FHAD1: variants seen among roughly 807,000 people sequenced by gnomAD.
FHAD1 encodes the protein forkhead associated phosphopeptide binding domain 1.
FHAD1 carries 146 observed loss-of-function variants against 191.3 expected under a neutral mutation model. That is an observed-to-expected ratio of 0.76 (90% CI 0.67 to 0.88). The LOEUF (loss-of-function observed/expected upper bound fraction) is 0.88. FHAD1 is among the 40% of genes least tolerant of loss of function. The probability of loss-of-function intolerance (pLI) is 0.00; values close to 1 mark genes in which losing one functional copy is unlikely to be tolerated. For missense variants in FHAD1, 1,635 were observed against 1,785.8 expected (o/e 0.92, Z 1.52); for synonymous variants, 616 against 672.3 (o/e 0.92, Z 1.29).
rs763984259 is a variant in FHAD1, at chr1:15,327,014, G to A, written c.1474-45G>A. On this transcript the variant is annotated intron_variant, in intron 11 of 33. Transcript: ENST00000688493. This position sits in a 1 kb window ranked among gnomAD's most constrained non-coding sequence, Gnocchi z 5.1. ...CATGGAAACGCTGCCCCCACTTGCC[G>A]GCCCCTGCTGACCCCCTGACACTGT... 63 of 1,310,954 alleles carry A rather than the reference G, an allele frequency of 4.8e-5. No individual in the cohort carries two copies. In the African/African-American group the frequency reaches 6.4e-4, roughly 13 times the overall value. The allele number at this position is 1,310,954 out of a possible 1,614,324, so 81.2% of individuals were successfully genotyped here.
intron 11 of FHAD1, 151 bp from the exon 12 acceptor site, chr1:15,326,908 C>T (rs776983906): frequency 3.9e-5 from 23 of 597,110 alleles, no homozygotes; most frequent in Admixed American, 2.4e-4. Flanking sequence ...CGCCACTCCC[C>T]GTGAGCGGTG....
intron 8 of FHAD1, among the ~76,000 whole-genome samples, chr1:15,315,777 C>T (rs1420569737): frequency 2.0e-5 from 3 of 152,130 alleles, no homozygotes; most frequent in Non-Finnish European, 4.4e-5. Context: ...CAAGCCACCG[C>T]GCCCAGCCGG....
At chr1:15,250,660 G>T (rs1238302903) in intron 1 of FHAD1, among the ~76,000 whole-genome samples, 1 of 152,132 alleles carries the variant, frequency 6.6e-6, no homozygotes, top group South Asian at 2.1e-4. Context: ...TCTAATGCCT[G>T]CCTCTCCAAT....
At chr1:15,266,492 C>T (rs1178862881) in intron 2 of FHAD1, among the ~76,000 whole-genome samples, 1 of 151,920 alleles carries the variant, frequency 6.6e-6, no homozygotes, top group Non-Finnish European at 1.5e-5. Flanking sequence ...AACCCCTCCC[C>T]CACAACACTC....
chr1:15,370,870 G>T (rs551560039), intron 26 of FHAD1, among the ~76,000 whole-genome samples: 7 of 152,276 alleles, frequency 4.6e-5, no homozygotes, highest in African/African-American at 1.7e-4. Context: ...ATTTTCACCG[G>T]GAAGCCAGGC....
At chr1:15,337,824 T>G (rs1684878018) in intron 14 of FHAD1, among the ~76,000 whole-genome samples, 1 of 151,994 alleles carries the variant, frequency 6.6e-6, no homozygotes, top group African/African-American at 2.4e-5. Flanking sequence ...GCCGCTGGAA[T>G]AGGAGTGACT....
chr1:15,398,937 C>T (rs562462936), downstream of FHAD1, among the ~76,000 whole-genome samples: 1 of 152,162 alleles, frequency 6.6e-6, no homozygotes, highest in African/African-American at 2.4e-5. Context: ...TCTTCAGCCT[C>T]AGCCTCCTAA....
intron 33 of FHAD1, among the ~76,000 whole-genome samples, chr1:15,395,633 C>T (rs778502315): frequency 1.7e-4 from 26 of 152,120 alleles, no homozygotes; most frequent in Non-Finnish European, 1.5e-4. Context: ...GCTGCCAGGA[C>T]GCCCCCTCCT....
rs561359803 is a variant in FHAD1, at chr1:15,352,833, C to T, written c.2455-44C>T. On this transcript the variant is annotated intron_variant, in intron 19 of 33. Coordinates refer to ENST00000688493, the MANE Select transcript of FHAD1 (RefSeq NM_001391957.1). ...TGGTTTCCCTTTCCAGTGTCATTTC[C>T]CTTTGAGGGCACAGGCCCTCAAACC... is the stretch of plus-strand genomic sequence containing the variant. 8 of 1,417,974 alleles carry T rather than the reference C, an allele frequency of 5.6e-6. No individual in the cohort carries two copies. The African/African-American group carries it at 8.6e-5, about 15-fold the overall frequency. The allele number at this position is 1,417,974 out of a possible 1,614,324, so 87.8% of individuals were successfully genotyped here.
intron 32 of FHAD1, among the ~76,000 whole-genome samples, chr1:15,390,178 G>A (rs1173271073): frequency 1.3e-5 from 2 of 151,660 alleles, no homozygotes; most frequent in South Asian, 2.1e-4. Context: ...AAACCTCATC[G>A]CTACTAAAAA....
At chr1:15,374,331 G>T (rs747631264) in intron 26 of FHAD1, among the ~76,000 whole-genome samples, 171 bp from the exon 27 acceptor site, 1 of 152,164 alleles carries the variant, frequency 6.6e-6, no homozygotes, top group Non-Finnish European at 1.5e-5. Flanking sequence ...CATGTGACCC[G>T]ATATTTGAGA....
At chr1:15,383,355 G>A in intron 31 of FHAD1, 1 of 423,622 alleles carries the variant, frequency 2.4e-6, no homozygotes, top group Non-Finnish European at 4.8e-6. Context: ...CCTTCCCCAT[G>A]CTGCCCATGA....
rs1258079768 is a variant in FHAD1, at chr1:15,316,512, A to G, written c.1260+45A>G. ...TTGTAGGTACCACCAGAAAAAACAG[A>G]GTTTGACCTTGAGGTTCTTGGTGGG... On this transcript the variant is annotated intron_variant, in intron 9 of 33. Coordinates refer to ENST00000688493, the MANE Select transcript of FHAD1 (RefSeq NM_001391957.1). The surrounding 1 kb of genome is among the most constrained non-coding windows in gnomAD (Gnocchi z 4.3). 1.6e-5 allele frequency: 24 copies of G among 1,510,272 alleles called. No homozygotes were observed. The highest frequency in any genetic ancestry group is 2.1e-5 in the Non-Finnish European group (23 of 1,110,796). The allele number at this position is 1,510,272 out of a possible 1,614,324, so 93.6% of individuals were successfully genotyped here. A position where few individuals can be genotyped will look rare whatever the true frequency, so the allele number is the denominator to read the frequency against.
At chr1:15,383,771 A>C (rs1230128939) in intron 31 of FHAD1, 1 of 351,462 alleles carries the variant, frequency 2.8e-6, no homozygotes, top group Admixed American at 3.3e-5. Flanking sequence ...AATGCCTCTA[A>C]TAGCCCTGCC....
chr1:15,372,524 A>G (rs1698411003), intron 26 of FHAD1, among the ~76,000 whole-genome samples: 1 of 151,626 alleles, frequency 6.6e-6, no homozygotes, highest in South Asian at 2.1e-4. Flanking sequence ...CACCCACAGC[A>G]GCAAGGGCTG....
At chr1:15,314,015 G>A (rs1006782339) in intron 8 of FHAD1, among the ~76,000 whole-genome samples, 1 of 151,696 alleles carries the variant, frequency 6.6e-6, no homozygotes, top group Non-Finnish European at 1.5e-5. Context: ...AGCTGAGATC[G>A]CGCCATTGCA....
At chr1:15,367,814 A>T (rs892141177) in intron 25 of FHAD1, among the ~76,000 whole-genome samples, 192 bp downstream of exon 25, 11 of 152,062 alleles carry the variant, frequency 7.2e-5, no homozygotes, top group Non-Finnish European at 1.6e-4. Context: ...GTCTCTGCTT[A>T]AATGCCACTT....
intron 26 of FHAD1, 74 bp downstream of exon 26, chr1:15,369,576 G>T: frequency 6.7e-7 from 1 of 1,483,724 alleles, no homozygotes; most frequent in South Asian, 1.3e-5. Flanking sequence ...CTTTCCTTTT[G>T]AAGACACTTT....
At position 15,329,229 on chromosome 1, in the gene FHAD1, C is replaced by A; in HGVS notation, c.1711-117C>A. On this transcript the variant is annotated intron_variant, in intron 13 of 33. Transcript: ENST00000688493. This position sits in a 1 kb window ranked among gnomAD's most constrained non-coding sequence, Gnocchi z 5.0. ...AAAAACTGAGTCCTCCCAAGGCGGC[C>A]AATACGTGGCGCTGCCTGCTTCGTG... is the stretch of plus-strand genomic sequence containing the variant. 1 of 791,160 alleles carries A rather than the reference C, an allele frequency of 1.3e-6. No homozygotes were observed. The highest frequency in any genetic ancestry group is 1.9e-6 in the Non-Finnish European group (1 of 523,872). The allele number at this position is 791,160 out of a possible 1,614,324, so 49.0% of individuals were successfully genotyped here.
Sources: allele counts gnomAD v4.1 joint callset (sites outside exome capture counted in the v4.1 genomes callset), GRCh38; gene constraint gnomAD v4.1.1; non-coding constraint Gnocchi (gnomAD v3.1); transcripts MANE v1.5; gene names NCBI Gene and HGNC (gene_info 2026-07-23, HGNC 2026-07-21).